Variants in LRRK1 observed in about 807,000 individuals in gnomAD.
LRRK1 encodes the protein leucine rich repeat kinase 1.
A neutral mutation model predicts 209.1 loss-of-function variants in LRRK1; 113 were observed. The ratio of observed to expected loss-of-function variants is 0.54; its 90% confidence interval spans 0.46 to 0.63. The LOEUF (loss-of-function observed/expected upper bound fraction) is 0.63, where lower values mean the gene tolerates loss of function less well. Among genes scored for constraint, LRRK1 ranks in the 30% least tolerant of loss-of-function variants. The pLI is 0.00. For missense variants in LRRK1, 2,284 were observed against 2,632.2 expected, an observed-to-expected ratio of 0.87 and a Z score of 2.89; for synonymous variants, 1,144 against 1,099.7, an observed-to-expected ratio of 1.04 and a Z score of -0.80.
Position 100,956,455 on chromosome 15 carries a change from C to CTTTTTCTTTTCTTTTCTTTTTT in LRRK1, c.98-17344_98-17343insCTTTTCTTTTCTTTTTTTTTTT. 1.4e-3 allele frequency among the ~76,000 whole-genome samples: 82 copies of CTTTTTCTTTTCTTTTCTTTTTT among 60,520 alleles called. 1 individual carries two copies. The highest frequency in any genetic ancestry group is 5.5e-3 in the African/African-American group (65 of 11,720). The allele number at this position is 60,520 out of a possible 152,430, so 39.7% of individuals were successfully genotyped here. ...TTCGCTTTTCTTTCCTTTTTTTTTT[C>CTTTTTCTTTTCTTTTCTTTTTT]TTTTTTTTTTTTTTTTTTGAGACAG... is the stretch of plus-strand genomic sequence containing the variant. On this transcript the variant is annotated intron_variant, in intron 2 of 33. Coordinates refer to ENST00000388948, the MANE Select transcript of LRRK1 (RefSeq NM_024652.6).
chr15:101,006,723 CAT>C (rs1287366118), intron 6 of LRRK1, among the ~76,000 whole-genome samples: 1 of 152,128 alleles, frequency 6.6e-6, no homozygotes, highest in Non-Finnish European at 1.5e-5. Context: ...TTCATCAAAA[CAT>C]AAAAAGCGTG....
chr15:100,947,256 C>A (rs1381773509), intron 2 of LRRK1, among the ~76,000 whole-genome samples: 1 of 152,102 alleles, frequency 6.6e-6, no homozygotes, highest in African/African-American at 2.4e-5. Flanking sequence ...CATGCCCAGG[C>A]TCCAGTTTTC....
intron 6 of LRRK1, among the ~76,000 whole-genome samples, chr15:101,004,246 C>A (rs2032839027): frequency 6.6e-6 from 1 of 152,146 alleles, no homozygotes; most frequent in African/African-American, 2.4e-5. Flanking sequence ...ATGAAAGAGG[C>A]AGGAAGACAT....
chr15:100,941,282 G>T (rs59402899), intron 2 of LRRK1, among the ~76,000 whole-genome samples: 6 of 82,152 alleles, frequency 7.3e-5, no homozygotes, highest in African/African-American at 3.0e-4. Context: ...GTGTGTCCGT[G>T]TGTGTGTCTG....
intron 21 of LRRK1, among the ~76,000 whole-genome samples, chr15:101,047,344 TGAA>T (rs1208485615): frequency 6.6e-6 from 1 of 152,200 alleles, no homozygotes; most frequent in Non-Finnish European, 1.5e-5. Context: ...GTGCACTGAT[TGAA>T]GGAGTGGGCG....
chr15:101,058,617 C>CGCGG (rs1555479976), intron 29 of LRRK1, among the ~76,000 whole-genome samples: 2 of 75,366 alleles, frequency 2.7e-5, no homozygotes, highest in African/African-American at 1.6e-4. Context: ...GAAGGGGCAA[C>CGCGG]GGGGGGGGGC....
intron 6 of LRRK1, among the ~76,000 whole-genome samples, chr15:100,995,591 C>G (rs896391536): frequency 1.3e-5 from 2 of 152,144 alleles, no homozygotes; most frequent in African/African-American, 4.8e-5. Context: ...TCGTGGTGAA[C>G]ATCGGGTCAA....
At chr15:101,014,485 G>A (rs557405231) in intron 11 of LRRK1, 57 bp downstream of exon 11, 24 of 1,169,094 alleles carry the variant, frequency 2.1e-5, no homozygotes, top group African/African-American at 9.1e-5. Context: ...GGCCACGGTC[G>A]AGCAGGTCCT....
intron 6 of LRRK1, among the ~76,000 whole-genome samples, chr15:101,006,970 A>T (rs970172180): frequency 6.6e-6 from 1 of 152,252 alleles, no homozygotes; most frequent in African/African-American, 2.4e-5. Context: ...CTGGCCTAAG[A>T]TCCAGTGCCG....
rs534030040 is a variant in LRRK1, at chr15:100,974,786, G to A, written c.261+819G>A. 2.6e-5 allele frequency among the ~76,000 whole-genome samples: 4 copies of A among 152,332 alleles called. No individual in the cohort carries two copies. The South Asian group carries it at 8.3e-4, about 32-fold the overall frequency. On this transcript the variant is annotated intron_variant, in intron 3 of 33. Transcript: ENST00000388948. ...TTTAAAGTTTTGGAATACATGCCAAGCTGTTTTCCAAAAATCTTCTACAGA... is the reference window on the plus strand; with the variant it reads ...TTTAAAGTTTTGGAATACATGCCAAACTGTTTTCCAAAAATCTTCTACAGA...
At chr15:100,963,168 T>C (rs897574225) in intron 2 of LRRK1, among the ~76,000 whole-genome samples, 1 of 152,000 alleles carries the variant, frequency 6.6e-6, no homozygotes, top group South Asian at 2.1e-4. Context: ...TCTGTGTTTT[T>C]CCTGTGGTTT....
At chr15:101,033,512 G>A (rs1282652471) in intron 20 of LRRK1, among the ~76,000 whole-genome samples, 1 of 152,120 alleles carries the variant, frequency 6.6e-6, no homozygotes, top group Non-Finnish European at 1.5e-5. Flanking sequence ...ATGAGTGGGA[G>A]CATGCAGTAT....
intron 2 of LRRK1, among the ~76,000 whole-genome samples, chr15:100,970,318 A>T (rs2030779304): frequency 6.6e-6 from 1 of 152,192 alleles, no homozygotes; most frequent in Admixed American, 6.5e-5. Flanking sequence ...TGATATTTGT[A>T]TATGGTGAGA....
rs1297029520 is a variant in LRRK1 at position 101,054,957 on chromosome 15, A to G, written c.4066A>G (p.Ile1356Val). Reference protein sequence around the residue: ...LSENARDSSFIPLGHMLTQKI... With the variant: ...LSENARDSSFVPLGHMLTQKI... Reference sequence around the variant, plus strand: ...TTTTTCTTTGCAAGATTCTTCCTTTATACCCCTGGGACACATGCTCACCCA... The same window carrying G: ...TTTTTCTTTGCAAGATTCTTCCTTTGTACCCCTGGGACACATGCTCACCCA... Residue 1356 changes from isoleucine (I) to valine (V), a missense_variant, in exon 27 of 34, where the codon ATA becomes GTA. Around this residue, in one of 6 missense-constraint regions of LRRK1, gnomAD observed 780 missense variants for 985.2 expected, o/e 0.79. Transcript: ENST00000388948. 1.3e-6 allele frequency: 2 copies of G among 1,589,744 alleles called. No homozygotes were observed. Among genetic ancestry groups the G allele is most frequent in the Non-Finnish European group, 1.7e-6 (2 of 1,170,686 alleles).
chr15:101,045,891 C>G, intron 20 of LRRK1, 90 bp from the exon 21 acceptor site: 6 of 1,116,478 alleles, frequency 5.4e-6, no homozygotes, highest in Non-Finnish European at 8.0e-6. Flanking sequence ...CCAGCACAGC[C>G]TGTCCCCAGA....
At chr15:100,932,719 A>G (rs1036064409) in intron 2 of LRRK1, among the ~76,000 whole-genome samples, 4 of 152,194 alleles carry the variant, frequency 2.6e-5, no homozygotes, top group African/African-American at 7.2e-5. Context: ...TTCTTCAGGT[A>G]ATTATCATTT....
intron 6 of LRRK1, among the ~76,000 whole-genome samples, chr15:100,999,792 C>T (rs980561727): frequency 6.6e-6 from 1 of 152,170 alleles, no homozygotes; most frequent in African/African-American, 2.4e-5. Context: ...GTAAGTAAAT[C>T]TGACATTTCT....
At chr15:100,964,325 G>C (rs1047898153) in intron 2 of LRRK1, among the ~76,000 whole-genome samples, 2 of 152,214 alleles carry the variant, frequency 1.3e-5, no homozygotes, top group Non-Finnish European at 2.9e-5. Context: ...ATATGACCCA[G>C]AGATGTAAAC....
chr15:101,046,535 G>A (rs939600159), intron 21 of LRRK1, among the ~76,000 whole-genome samples: 2 of 152,144 alleles, frequency 1.3e-5, no homozygotes, highest in South Asian at 4.1e-4. Context: ...TGATGCCGCC[G>A]GCCCAGCAAC....
Sources: gnomAD v4.1 joint callset for allele counts (sites outside exome capture counted in the v4.1 genomes callset) on GRCh38, gnomAD v4.1.1 for gene constraint, gnomAD v4.1.1 regional missense constraint, MANE v1.5 for transcripts, NCBI Gene and HGNC (gene_info 2026-07-23, HGNC 2026-07-21) for gene names.